The following NR3C2 variants were observed in gnomAD, a reference collection of about 807,000 sequenced individuals.
The protein encoded by NR3C2 is nuclear receptor subfamily 3 group C member 2.
In NR3C2, 15 loss-of-function variants were observed where a neutral mutation model predicts 86.4. The observed-to-expected ratio is 0.17, with a 90% CI of 0.12 to 0.27. The LOEUF is 0.27. NR3C2 is among the 10% of genes least tolerant of loss of function. The probability of loss-of-function intolerance (pLI) is 1.00; values close to 1 mark genes in which losing one functional copy is unlikely to be tolerated. For missense variants in NR3C2, 960 were observed against 1,195.6 expected, an observed-to-expected ratio of 0.80 and a Z score of 2.91; for synonymous variants, 458 against 450.5, an observed-to-expected ratio of 1.02 and a Z score of -0.21.
chr4:148,249,200 T>G (rs867521420), intron 3 of NR3C2, among the ~76,000 whole-genome samples: 1 of 152,122 alleles, frequency 6.6e-6, no homozygotes, highest in Non-Finnish European at 1.5e-5. Context: ...GAGGGTGGTA[T>G]GAATCTCCAA....
chr4:148,206,323 CTA>C (rs1560977202), intron 3 of NR3C2, among the ~76,000 whole-genome samples: 1 of 152,184 alleles, frequency 6.6e-6, no homozygotes, highest in Non-Finnish European at 1.5e-5. Context: ...TTGTGGCCCT[CTA>C]TGCAAACACT....
chr4:148,302,921 A>T (rs1284730063), intron 2 of NR3C2, among the ~76,000 whole-genome samples: 1 of 151,872 alleles, frequency 6.6e-6, no homozygotes, highest in Non-Finnish European at 1.5e-5. Context: ...TCAAGAAGAG[A>T]GAAGTTTACC....
intron 2 of NR3C2, among the ~76,000 whole-genome samples, chr4:148,332,173 T>C (rs985387304): frequency 2.0e-5 from 3 of 152,212 alleles, no homozygotes; most frequent in African/African-American, 4.8e-5. Context: ...GTGAATCGTA[T>C]AGTATGTGAA....
At chr4:148,221,286 AG>A (rs1297369083) in intron 3 of NR3C2, among the ~76,000 whole-genome samples, 1 of 152,250 alleles carries the variant, frequency 6.6e-6, no homozygotes, top group African/African-American at 2.4e-5. Context: ...GTTAAATCTC[AG>A]GATTTCCAGA....
chr4:148,401,403 AG>A (rs1474840421), intron 2 of NR3C2, among the ~76,000 whole-genome samples: 1 of 150,890 alleles, frequency 6.6e-6, no homozygotes, highest in Non-Finnish European at 1.5e-5. Flanking sequence ...CATATCACAC[AG>A]TTTTGGTCTA....
chr4:148,273,626 G>C (rs1428424503), intron 2 of NR3C2, among the ~76,000 whole-genome samples: 1 of 152,104 alleles, frequency 6.6e-6, no homozygotes, highest in Non-Finnish European at 1.5e-5. Context: ...TGTCTTCCCA[G>C]CACAGTGTAT....
At chr4:148,290,984 T>A (rs897911684) in intron 2 of NR3C2, among the ~76,000 whole-genome samples, 1 of 152,174 alleles carries the variant, frequency 6.6e-6, no homozygotes, top group Admixed American at 6.5e-5. Context: ...TTTCCTTTCA[T>A]TCACCTTTGT....
chr4:148,347,247 C>T (rs764795035), intron 2 of NR3C2, among the ~76,000 whole-genome samples: 7 of 64,096 alleles, frequency 1.1e-4, no homozygotes, highest in Non-Finnish European at 2.0e-4. Flanking sequence ...GTTGCATCAC[C>T]TTCCAACTGG....
Position 148,273,884 on chromosome 4 carries a change from C to T in NR3C2, c.1758-13767G>A, listed in dbSNP as rs139095292. Among the ~76,000 whole-genome samples, 53 of 152,236 alleles carry T rather than the reference C, an allele frequency of 3.5e-4. 1 individual carries two copies. The East Asian group carries it at 9.3e-3, about 27-fold the overall frequency. On this transcript the variant is annotated intron_variant, in intron 2 of 8. Transcript: ENST00000358102. ...TCCTGCAGTGTGCACAGGGGGGTCA[C>T]GCTGTGGAGCAAGAGATAAGGCAGC... is the stretch of plus-strand genomic sequence containing the variant.
At chr4:148,121,994 C>CATGTCAACTGCTT (rs1553987272) in intron 6 of NR3C2, among the ~76,000 whole-genome samples, 1 of 151,424 alleles carries the variant, frequency 6.6e-6, no homozygotes, top group Non-Finnish European at 1.5e-5. Context: ...TAGATTTGCA[C>CATGTCAACTGCTT]ATGTCACCTG....
chr4:148,366,441 T>TACTTTTTAAAAAGAATACTTTATA (rs1746122382), intron 2 of NR3C2, among the ~76,000 whole-genome samples: 1 of 63,858 alleles, frequency 1.6e-5, no homozygotes, highest in Non-Finnish European at 3.3e-5. Context: ...AATACTTTTT[T>TACTTTTTAAAAAGAATACTTTATA]AAAAGTACTT....
At chr4:148,358,550 A>G (rs1745676224) in intron 2 of NR3C2, among the ~76,000 whole-genome samples, 1 of 151,834 alleles carries the variant, frequency 6.6e-6, no homozygotes, top group Non-Finnish European at 1.5e-5. Context: ...GCAGCGCACC[A>G]GCATGGCACA....
At chr4:148,280,292 A>G (rs1427412355) in intron 2 of NR3C2, among the ~76,000 whole-genome samples, 1 of 152,204 alleles carries the variant, frequency 6.6e-6, no homozygotes, top group Non-Finnish European at 1.5e-5. Context: ...ATTTCCCTGG[A>G]GAAATAAAAA....
intron 3 of NR3C2, among the ~76,000 whole-genome samples, chr4:148,239,985 G>A (rs1385532744): frequency 6.6e-6 from 1 of 152,052 alleles, no homozygotes; most frequent in Non-Finnish European, 1.5e-5. Context: ...AGCACAGCAG[G>A]AGGTCATGTG....
chr4:148,137,135 G>A (rs2149749738), intron 6 of NR3C2, among the ~76,000 whole-genome samples: 2 of 152,210 alleles, frequency 1.3e-5, no homozygotes, highest in African/African-American at 4.8e-5. Context: ...CATTCTCAAA[G>A]CTATGAGAAT....
intron 3 of NR3C2, among the ~76,000 whole-genome samples, chr4:148,256,908 C>A (rs375795303): frequency 9.2e-5 from 14 of 152,108 alleles, no homozygotes; most frequent in Admixed American, 2.0e-4. Flanking sequence ...CACACACACA[C>A]AAAAATTTAT....
chr4:148,378,126 C>G (rs968148886), intron 2 of NR3C2, among the ~76,000 whole-genome samples: 1 of 152,066 alleles, frequency 6.6e-6, no homozygotes, highest in Non-Finnish European at 1.5e-5. Flanking sequence ...GAGTATGAAC[C>G]AGGAAGATTG....
chr4:148,401,658 T>C (rs1401027024), intron 2 of NR3C2, among the ~76,000 whole-genome samples: 1 of 151,984 alleles, frequency 6.6e-6, no homozygotes, highest in African/African-American at 2.4e-5. Context: ...GAGACGGGAT[T>C]TCACCTCGTT....
At chr4:148,371,619 G>GA (rs57980467) in intron 2 of NR3C2, among the ~76,000 whole-genome samples, 33,484 of 144,956 alleles carry the variant, frequency 0.23, 3,785 homozygotes, top group African/African-American at 0.25. Context: ...CACTAGAAGA[G>GA]AAAAAAAAAA....
Sources: allele counts gnomAD v4.1 joint callset (sites outside exome capture counted in the v4.1 genomes callset), GRCh38; gene constraint gnomAD v4.1.1; transcripts MANE v1.5; gene names NCBI Gene and HGNC (gene_info 2026-07-23, HGNC 2026-07-21).